Variants in USH2A observed in about 807,000 individuals in gnomAD.
The protein encoded by USH2A is usherin, also known as Usher syndrome 2A (autosomal recessive, mild).
In USH2A, 443 loss-of-function variants were observed where a neutral mutation model predicts 538.9. The observed-to-expected ratio is 0.82, with a 90% CI of 0.76 to 0.89. The LOEUF (loss-of-function observed/expected upper bound fraction) is 0.89. USH2A is among the 40% of genes least tolerant of loss of function. USH2A has a pLI of 0.00. For missense variants in USH2A, 6,633 were observed against 6,324.8 expected (o/e 1.05, Z -1.65); for synonymous variants, 2,413 against 2,273.5 (o/e 1.06, Z -1.75).
chr1:216,088,224 C>T (rs1168476900), intron 23 of USH2A, among the ~76,000 whole-genome samples: 1 of 152,042 alleles, frequency 6.6e-6, no homozygotes, highest in Non-Finnish European at 1.5e-5. Context: ...AATGTCACCT[C>T]ATCAGAGAGA....
At chr1:216,273,527 T>C (rs2036613656) in intron 11 of USH2A, among the ~76,000 whole-genome samples, 1 of 152,072 alleles carries the variant, frequency 6.6e-6, no homozygotes, top group African/African-American at 2.4e-5. Context: ...TAATAATAAA[T>C]AATACATTTC....
intron 21 of USH2A, among the ~76,000 whole-genome samples, chr1:216,120,360 C>G (rs1180104414): frequency 7.7e-6 from 1 of 130,642 alleles, no homozygotes; most frequent in Non-Finnish European, 1.7e-5. Flanking sequence ...CACGGTGAAA[C>G]CCCGTCTGTA....
intron 30 of USH2A, among the ~76,000 whole-genome samples, chr1:216,052,599 T>C (rs934657930): frequency 2.0e-5 from 3 of 152,168 alleles, no homozygotes; most frequent in African/African-American, 4.8e-5. Flanking sequence ...TAAAGGCAGT[T>C]AGAATTACCT....
chr1:216,421,873 T>C lies in USH2A; in HGVS notation c.464A>G (p.Lys155Arg). 6.2e-7 allele frequency: 1 copy of C among 1,613,918 alleles called. No individual in the cohort carries two copies. Among genetic ancestry groups the C allele is most frequent in the Non-Finnish European group, 8.5e-7 (1 of 1,179,876 alleles). ...TTACATTACACCTTGTTGCTCAGGT[T>C]TCAGCCATACAGCTAAGGTAAATGA... ...MASFTLAVWL[K>R]PEQQGVMCVI... Residue 155 changes from lysine to arginine, a missense_variant, in exon 2 of 72, where the codon AAA becomes AGA. Physicochemically the swap from Lys to Arg is conservative, Grantham distance 26. Coordinates refer to ENST00000307340, the MANE Select transcript of USH2A (RefSeq NM_206933.4).
chr1:216,184,215 C>T (rs1263508846), intron 20 of USH2A, among the ~76,000 whole-genome samples: 2 of 151,930 alleles, frequency 1.3e-5, no homozygotes, highest in African/African-American at 4.8e-5. Flanking sequence ...GATAATTAGC[C>T]AAGTTGAATC....
At chr1:216,075,269 G>C (rs2031707884) in intron 27 of USH2A, among the ~76,000 whole-genome samples, 1 of 152,180 alleles carries the variant, frequency 6.6e-6, no homozygotes, top group Non-Finnish European at 1.5e-5. Flanking sequence ...CTCTAGTGCA[G>C]GGTCCTTCCA....
At chr1:215,971,891 C>T (rs1352138402) in intron 35 of USH2A, among the ~76,000 whole-genome samples, 1 of 151,902 alleles carries the variant, frequency 6.6e-6, no homozygotes, top group Non-Finnish European at 1.5e-5. Flanking sequence ...TTAACATCAC[C>T]CAGATAAGAA....
At chr1:216,291,371 C>A (rs1318518229) in intron 10 of USH2A, among the ~76,000 whole-genome samples, 2 of 152,112 alleles carry the variant, frequency 1.3e-5, no homozygotes, top group Non-Finnish European at 2.9e-5. Context: ...CTGTCCTTGC[C>A]CTATCTTAGC....
In USH2A at chr1:216,183,450, A is replaced by T. The variant is rs2034531097; in HGVS notation, c.4396+6773T>A. 2.0e-5 allele frequency among the ~76,000 whole-genome samples: 3 copies of T among 152,060 alleles called. No individual in the cohort carries two copies. In the South Asian group the frequency reaches 6.2e-4, roughly 31 times the overall value. Reference sequence around the variant, plus strand: ...CTTTGCAATCATATTTCTTTAAAAAATGGATTCTTTTTTTTAATCATGAAA... The same window carrying T: ...CTTTGCAATCATATTTCTTTAAAAATTGGATTCTTTTTTTTAATCATGAAA... On this transcript the variant is annotated intron_variant, in intron 20 of 71. Coordinates refer to ENST00000307340, the MANE Select transcript of USH2A (RefSeq NM_206933.4).
At chr1:215,954,557 C>A (rs1667014945) in intron 37 of USH2A, among the ~76,000 whole-genome samples, 1 of 112,344 alleles carries the variant, frequency 8.9e-6, no homozygotes, top group African/African-American at 3.7e-5. Flanking sequence ...CACACTGGGG[C>A]CTGTTGTGGG....
At chr1:216,346,847 A>G (rs755692758) in intron 4 of USH2A, among the ~76,000 whole-genome samples, 2 of 151,966 alleles carry the variant, frequency 1.3e-5, no homozygotes, top group Non-Finnish European at 2.9e-5. Context: ...ATCTTACTGG[A>G]TCTTTTTCTG....
At chr1:215,976,850 G>A (rs909812007) in intron 35 of USH2A, among the ~76,000 whole-genome samples, 2 of 152,080 alleles carry the variant, frequency 1.3e-5, no homozygotes, top group Non-Finnish European at 2.9e-5. Flanking sequence ...TTTGCTATCA[G>A]AGAGATGCTG....
intron 3 of USH2A, among the ~76,000 whole-genome samples, chr1:216,406,326 G>T (rs2039393904): frequency 6.6e-6 from 1 of 152,096 alleles, no homozygotes; most frequent in African/African-American, 2.4e-5. Context: ...TCTCACAAGT[G>T]CCTGTGAACC....
intron 61 of USH2A, among the ~76,000 whole-genome samples, chr1:215,703,199 G>C (rs1170854662): frequency 6.6e-6 from 1 of 152,154 alleles, no homozygotes; most frequent in Non-Finnish European, 1.5e-5. Flanking sequence ...TGTCCCAGAG[G>C]GGCACCTGCC....
intron 13 of USH2A, among the ~76,000 whole-genome samples, chr1:216,235,027 T>C (rs1572077233): frequency 6.6e-6 from 1 of 152,132 alleles, no homozygotes; most frequent in Non-Finnish European, 1.5e-5. Context: ...ATTTTAGCTG[T>C]CCTATTTTTA....
At chr1:216,156,994 C>T (rs2102625523) in intron 21 of USH2A, among the ~76,000 whole-genome samples, 1 of 152,030 alleles carries the variant, frequency 6.6e-6, no homozygotes, top group African/African-American at 2.4e-5. Context: ...CTGCCTCAGC[C>T]TCCTGAGTAG....
chr1:216,416,021 G>T (rs1417165028), intron 3 of USH2A, among the ~76,000 whole-genome samples: 1 of 151,936 alleles, frequency 6.6e-6, no homozygotes, highest in Non-Finnish European at 1.5e-5. Context: ...CAAAAAATTA[G>T]CCAGTGTGGT....
intron 34 of USH2A, among the ~76,000 whole-genome samples, chr1:215,996,817 A>G (rs1668154428): frequency 6.6e-6 from 1 of 152,066 alleles, no homozygotes; most frequent in African/African-American, 2.4e-5. Context: ...TCAGCAGTTT[A>G]TAATCCAGTC....
At chr1:216,408,159 C>T (rs1571790088) in intron 3 of USH2A, among the ~76,000 whole-genome samples, 1 of 152,046 alleles carries the variant, frequency 6.6e-6, no homozygotes, top group Admixed American at 6.6e-5. Flanking sequence ...TTATTCATGG[C>T]TTGCTGTAGG....
Sources: allele counts gnomAD v4.1 joint callset (sites outside exome capture counted in the v4.1 genomes callset), GRCh38; gene constraint gnomAD v4.1.1; transcripts MANE v1.5; gene names NCBI Gene and HGNC (gene_info 2026-07-23, HGNC 2026-07-21).